Variants in RANBP9 observed in about 807,000 individuals in gnomAD.
The protein encoded by RANBP9 is RAN binding protein 9, also known as ran-binding protein 9.
A neutral mutation model predicts 84.3 loss-of-function variants in RANBP9; 15 were observed. The ratio of observed to expected loss-of-function variants is 0.18; its 90% CI spans 0.12 to 0.27. The LOEUF is 0.27. RANBP9 is among the 10% of genes least tolerant of loss of function. The pLI is 1.00. For missense variants in RANBP9, 809 were observed against 912.8 expected (o/e 0.89, Z 1.46); for synonymous variants, 392 against 349.6 (o/e 1.12, Z -1.35).
At chr6:13,686,122 C>A (rs1260703544) in intron 2 of RANBP9, among the ~76,000 whole-genome samples, 1 of 60,774 alleles carries the variant, frequency 1.6e-5, no homozygotes, top group Non-Finnish European at 3.1e-5. Flanking sequence ...CCCCGCCCCC[C>A]GAAATAGAGT....
In RANBP9 at chr6:13,696,653, T is replaced by TA. The variant is rs1757838656; in HGVS notation, c.683+131dup. 4 of 672,524 alleles carry TA rather than the reference T, an allele frequency of 5.9e-6. No individual in the cohort carries two copies. The Admixed American group carries it at 9.1e-5, about 15-fold the overall frequency. The allele number at this position is 672,524 out of a possible 1,614,324, so 41.7% of individuals were successfully genotyped here. A position where few individuals can be genotyped will look rare whatever the true frequency, so the allele number is the denominator to read the frequency against. On this transcript the variant is annotated intron_variant, in intron 2 of 13. Transcript: ENST00000011619. ...AAGCATAACCAGATCCAATCTGTTA[T>TA]ACTGAAATATTCAGATTCCACTTTT...
intron 11 of RANBP9, among the ~76,000 whole-genome samples, chr6:13,633,692 TA>T (rs1764853597): frequency 1.3e-5 from 2 of 152,172 alleles, no homozygotes; most frequent in African/African-American, 4.8e-5. Context: ...TATTGAAGAG[TA>T]AAACAAAGCT....
intron 2 of RANBP9, among the ~76,000 whole-genome samples, chr6:13,675,242 C>A (rs891721582): frequency 6.6e-5 from 10 of 152,186 alleles, no homozygotes; most frequent in African/African-American, 2.4e-4. Flanking sequence ...CAAAAACATT[C>A]ACCAAAACAG....
intron 2 of RANBP9, among the ~76,000 whole-genome samples, chr6:13,691,768 C>G (rs550910571): frequency 1.6e-4 from 24 of 152,104 alleles, no homozygotes; most frequent in Non-Finnish European, 3.2e-4. Flanking sequence ...TGTGTTCAAG[C>G]GATTCTCCTG....
intron 11 of RANBP9, among the ~76,000 whole-genome samples, chr6:13,634,018 C>T (rs1294674640): frequency 2.0e-5 from 3 of 150,368 alleles, no homozygotes; most frequent in South Asian, 4.2e-4. Context: ...TATGCAAAGT[C>T]ACACACGTTT....
intron 2 of RANBP9, among the ~76,000 whole-genome samples, chr6:13,663,712 T>C (rs1228068696): frequency 6.6e-6 from 1 of 152,076 alleles, no homozygotes; most frequent in Non-Finnish European, 1.5e-5. Flanking sequence ...TAACATATGA[T>C]TACTAGATAG....
intron 2 of RANBP9, among the ~76,000 whole-genome samples, chr6:13,679,961 A>C (rs1765990274): frequency 1.3e-5 from 2 of 152,182 alleles, no homozygotes; most frequent in South Asian, 4.1e-4. Context: ...AAGAATTACA[A>C]GGAAAAAAAG....
chr6:13,626,806 C>G (rs1262631846), intron 12 of RANBP9, among the ~76,000 whole-genome samples: 1 of 152,158 alleles, frequency 6.6e-6, no homozygotes, highest in Admixed American at 6.5e-5. Flanking sequence ...AGATTCCACA[C>G]CCATTTTCCA....
chr6:13,704,925 C>T (rs1390017286), intron 1 of RANBP9, among the ~76,000 whole-genome samples: 2 of 152,106 alleles, frequency 1.3e-5, no homozygotes, highest in African/African-American at 4.8e-5. Context: ...TTCCACAGTA[C>T]TCTCTATAAT....
intron 1 of RANBP9, among the ~76,000 whole-genome samples, chr6:13,710,629 C>G (rs148949728): frequency 6.6e-6 from 1 of 152,336 alleles, no homozygotes; most frequent in Non-Finnish European, 1.5e-5. Flanking sequence ...CCAGGGAAAT[C>G]AGAAAGCCAG....
intron 1 of RANBP9, among the ~76,000 whole-genome samples, chr6:13,708,874 A>G (rs552455538): frequency 6.6e-6 from 1 of 152,282 alleles, no homozygotes; most frequent in African/African-American, 2.4e-5. Flanking sequence ...CAAGAGGAAG[A>G]GGCAGTAGAA....
intron 1 of RANBP9, among the ~76,000 whole-genome samples, chr6:13,709,306 G>A (rs1025024344): frequency 1.3e-5 from 2 of 152,230 alleles, no homozygotes; most frequent in African/African-American, 2.4e-5. Flanking sequence ...GGAAGAAACT[G>A]AGGCTCAGTC....
At chr6:13,631,360 A>T (rs945223587) in intron 12 of RANBP9, among the ~76,000 whole-genome samples, 1 of 152,174 alleles carries the variant, frequency 6.6e-6, no homozygotes, top group Non-Finnish European at 1.5e-5. Context: ...GTTATGTCCT[A>T]CACTTGTGCT....
At chr6:13,658,316 A>G (rs1304950590) in intron 3 of RANBP9, among the ~76,000 whole-genome samples, 1 of 152,160 alleles carries the variant, frequency 6.6e-6, no homozygotes, top group Non-Finnish European at 1.5e-5. Flanking sequence ...TTTATTAAAA[A>G]CCGCTCAGCA....
chr6:13,663,188 T>C (rs1028791205), intron 2 of RANBP9, among the ~76,000 whole-genome samples: 1 of 151,950 alleles, frequency 6.6e-6, no homozygotes, highest in African/African-American at 2.4e-5. Context: ...AAAAACGACA[T>C]ATTACTTTCA....
intron 2 of RANBP9, among the ~76,000 whole-genome samples, chr6:13,662,447 T>A (rs999688275): frequency 3.5e-4 from 54 of 152,142 alleles, no homozygotes; most frequent in African/African-American, 1.3e-3. Context: ...AAGGGACTAC[T>A]ATGGTCTGAA....
At chr6:13,683,778 GA>G (rs904095824) in intron 2 of RANBP9, among the ~76,000 whole-genome samples, 45 of 142,918 alleles carry the variant, frequency 3.1e-4, no homozygotes, top group East Asian at 1.8e-3. Context: ...AATTTCTTGG[GA>G]AAAAAAAAAC....
At chr6:13,661,764 T>C (rs978498526) in intron 2 of RANBP9, among the ~76,000 whole-genome samples, 1 of 152,068 alleles carries the variant, frequency 6.6e-6, no homozygotes, top group Non-Finnish European at 1.5e-5. Flanking sequence ...AAGATAAAAA[T>C]TAAGTCACAC....
chr6:13,650,200 T>A (rs1280377112), intron 5 of RANBP9, among the ~76,000 whole-genome samples: 1 of 151,268 alleles, frequency 6.6e-6, no homozygotes, highest in Admixed American at 6.6e-5. Context: ...GAGATCTCAT[T>A]ATATTGCCCA....
Sources: gnomAD v4.1 joint callset for allele counts (sites outside exome capture counted in the v4.1 genomes callset) on GRCh38, gnomAD v4.1.1 for gene constraint, MANE v1.5 for transcripts, NCBI Gene and HGNC (gene_info 2026-07-23, HGNC 2026-07-21) for gene names.